Variants in ZBTB20 observed in about 807,000 individuals in gnomAD.
The protein encoded by ZBTB20 is zinc finger and BTB domain-containing protein 20.
Under a neutral mutation model 56.9 loss-of-function variants are expected in ZBTB20, and 9 were observed. The ratio of observed to expected loss-of-function variants is 0.16; its 90% CI spans 0.10 to 0.28. ZBTB20 has a LOEUF of 0.28. ZBTB20 is among the 10% of genes least tolerant of loss of function. The probability of loss-of-function intolerance (pLI) is 1.00; values close to 1 mark genes in which losing one functional copy is unlikely to be tolerated. For synonymous variants in ZBTB20, 417 were observed against 420.7 expected (o/e 0.99, Z 0.11); for missense variants, 655 against 1,003.0 (o/e 0.65, Z 4.69).
At chr3:114,908,864 A>G (rs996420843) in intron 3 of ZBTB20, among the ~76,000 whole-genome samples, 5 of 152,086 alleles carry the variant, frequency 3.3e-5, no homozygotes, top group Middle Eastern at 3.4e-3. Flanking sequence ...CTGAACTGAA[A>G]AATAATTCCA....
intron 7 of ZBTB20, among the ~76,000 whole-genome samples, chr3:114,442,682 G>T (rs1263834204): frequency 6.6e-6 from 1 of 152,040 alleles, no homozygotes; most frequent in African/African-American, 2.4e-5. Context: ...AGCACACCCT[G>T]CTGTCAGTCT....
intron 7 of ZBTB20, among the ~76,000 whole-genome samples, chr3:114,399,267 C>A (rs978001395): frequency 6.6e-6 from 1 of 151,978 alleles, no homozygotes; most frequent in Non-Finnish European, 1.5e-5. Context: ...TAGAGTATAA[C>A]CTGTGGAGTA....
intron 2 of ZBTB20, among the ~76,000 whole-genome samples, chr3:115,049,317 C>T (rs566340604): frequency 6.6e-6 from 1 of 152,076 alleles, no homozygotes. Context: ...CTGGTGGTTA[C>T]TTTTTTATTT....
Position 114,384,757 on chromosome 3 carries a change from G to A in ZBTB20, c.-153-3817C>T, listed in dbSNP as rs542215224. Among the ~76,000 whole-genome samples the A allele has an allele frequency of 3.1e-4, 47 of 152,318 alleles. No individual in the cohort carries two copies. In the South Asian group the frequency reaches 7.7e-3, roughly 25 times the overall value. On this transcript the variant is annotated intron_variant, in intron 8 of 11. Coordinates refer to ENST00000675478, the MANE Select transcript of ZBTB20 (RefSeq NM_001348800.3). ...ACATAGCAGTGAGTAAGGCTGTGGA[G>A]GATGTTGGCTCTTTCCTAACTAGAC...
chr3:115,064,579 G>A (rs1287497449), intron 2 of ZBTB20, among the ~76,000 whole-genome samples: 1 of 149,292 alleles, frequency 6.7e-6, no homozygotes, highest in African/African-American at 2.5e-5. Context: ...AGCCTCCCAA[G>A]TAGCTAGGAT....
chr3:114,441,437 G>C (rs765206460), intron 7 of ZBTB20, among the ~76,000 whole-genome samples: 1 of 152,074 alleles, frequency 6.6e-6, no homozygotes. Context: ...AACTGGCTTC[G>C]GTGATTTCTC....
At chr3:114,364,266 A>G (rs2082170503) in intron 10 of ZBTB20, among the ~76,000 whole-genome samples, 1 of 152,214 alleles carries the variant, frequency 6.6e-6, no homozygotes, top group Non-Finnish European at 1.5e-5. Flanking sequence ...AGCCTAGCCA[A>G]CATGGTGAAA....
intron 6 of ZBTB20, among the ~76,000 whole-genome samples, chr3:114,668,267 C>T (rs2061168409): frequency 6.6e-6 from 1 of 151,970 alleles, no homozygotes; most frequent in South Asian, 2.1e-4. Flanking sequence ...CTCTTACACA[C>T]TGTATGACGT....
At chr3:114,366,184 C>T (rs967239677) in intron 10 of ZBTB20, among the ~76,000 whole-genome samples, 2 of 152,178 alleles carry the variant, frequency 1.3e-5, no homozygotes, top group Non-Finnish European at 2.9e-5. Flanking sequence ...TTAACAAGTA[C>T]GCTGCTAGAA....
chr3:114,725,545 A>G (rs2065213202), intron 5 of ZBTB20, among the ~76,000 whole-genome samples: 1 of 152,246 alleles, frequency 6.6e-6, no homozygotes, highest in Non-Finnish European at 1.5e-5. Flanking sequence ...TGTGAGTTGA[A>G]TATTTTAAAT....
intron 6 of ZBTB20, among the ~76,000 whole-genome samples, chr3:114,551,897 C>G (rs911621984): frequency 3.9e-5 from 6 of 152,106 alleles, no homozygotes; most frequent in African/African-American, 1.4e-4. Flanking sequence ...ACTTTTATTT[C>G]TATAAATAAA....
intron 6 of ZBTB20, among the ~76,000 whole-genome samples, chr3:114,609,365 G>A (rs2057388360): frequency 2.0e-5 from 3 of 152,114 alleles, no homozygotes; most frequent in African/African-American, 7.2e-5. Context: ...GTTAATTTTG[G>A]TTGTACTGTA....
intron 1 of ZBTB20, among the ~76,000 whole-genome samples, chr3:115,073,718 A>AT (rs1345001276): frequency 7.2e-5 from 11 of 152,042 alleles, no homozygotes; most frequent in African/African-American, 2.6e-4. Context: ...AAAAAATTGT[A>AT]TATAAGGAGA....
intron 5 of ZBTB20, among the ~76,000 whole-genome samples, chr3:114,709,142 G>A (rs1012597241): frequency 2.6e-5 from 4 of 152,080 alleles, no homozygotes; most frequent in African/African-American, 4.8e-5. Flanking sequence ...TTAGGTTCCT[G>A]CTTAGAAAAA....
intron 6 of ZBTB20, chr3:114,687,779 A>G (rs1302448816): frequency 1.3e-5 from 2 of 152,192 alleles, no homozygotes; most frequent in African/African-American, 4.8e-5. Context: ...GAAAATTGTG[A>G]GAGTTCTGAT....
chr3:114,579,398 C>T (rs577295604), intron 6 of ZBTB20, among the ~76,000 whole-genome samples: 5 of 151,386 alleles, frequency 3.3e-5, no homozygotes, highest in Admixed American at 3.3e-4. Context: ...AACTACGTAT[C>T]AAAACATGGT....
chr3:114,520,964 T>C (rs2046570456), intron 6 of ZBTB20, among the ~76,000 whole-genome samples: 1 of 152,142 alleles, frequency 6.6e-6, no homozygotes, highest in Admixed American at 6.5e-5. Flanking sequence ...CCCGTGCATA[T>C]AGATGTGCAA....
chr3:114,412,638 C>CT (rs1338046760), intron 7 of ZBTB20, among the ~76,000 whole-genome samples: 1 of 152,020 alleles, frequency 6.6e-6, no homozygotes, highest in African/African-American at 2.4e-5. Context: ...CAGTTTTAGG[C>CT]TTTTTTTGGT....
chr3:114,358,495 T>C (rs1367490847), intron 10 of ZBTB20, among the ~76,000 whole-genome samples: 1 of 152,200 alleles, frequency 6.6e-6, no homozygotes, highest in Non-Finnish European at 1.5e-5. Flanking sequence ...ATTTTACAGG[T>C]CCAAAGGAGA....
Sources: allele counts gnomAD v4.1 joint callset (sites outside exome capture counted in the v4.1 genomes callset), GRCh38; gene constraint gnomAD v4.1.1; transcripts MANE v1.5; gene names NCBI Gene and HGNC (gene_info 2026-07-23, HGNC 2026-07-21).